Variants in FBXW7 observed in about 807,000 individuals in gnomAD.
FBXW7 encodes the protein F-box/WD repeat-containing protein 7.
A neutral mutation model predicts 86.3 loss-of-function variants in FBXW7; 11 were observed. The observed-to-expected ratio is 0.13, with a 90% confidence interval of 0.08 to 0.21. The LOEUF is 0.21. FBXW7 is among the 10% of genes least tolerant of loss of function. The pLI is 1.00. For missense variants in FBXW7, 488 were observed against 847.4 expected, an observed-to-expected ratio of 0.58 and a Z score of 5.27; for synonymous variants, 313 against 297.9, an observed-to-expected ratio of 1.05 and a Z score of -0.52.
intron 4 of FBXW7, among the ~76,000 whole-genome samples, chr4:152,390,866 C>T (rs1735939466): frequency 6.6e-6 from 1 of 151,754 alleles, no homozygotes; most frequent in South Asian, 2.1e-4. Context: ...TTTTTTGCTA[C>T]ACAGCTTTAA....
rs1167216290 is a variant in FBXW7 at position 152,471,512 on chromosome 4, GGGGA to G, written c.-119-58987_-119-58984del. ...AAGGGGGAGGGAAGGGGAAGGGAAT[GGGGA>G]GGGAGGGAGGGAGGGAAGGATGGAA... is the stretch of plus-strand genomic sequence containing the variant. On this transcript the variant is annotated intron_variant, in intron 2 of 13. Transcript: ENST00000281708. Among the ~76,000 whole-genome samples, 16 of 118,660 alleles carry G rather than the reference GGGGA, an allele frequency of 1.3e-4. 1 individual carries two copies. Among genetic ancestry groups the G allele is most frequent in the African/African-American group, 2.9e-4 (9 of 30,720 alleles). 77.8% of individuals were successfully genotyped at this position (118,660 alleles called of 152,430 possible).
At chr4:152,481,677 T>C (rs888058480) in intron 2 of FBXW7, among the ~76,000 whole-genome samples, 1 of 152,152 alleles carries the variant, frequency 6.6e-6, no homozygotes, top group East Asian at 1.9e-4. Flanking sequence ...CTGGAAGAAG[T>C]TGATCCCAAC....
At chr4:152,415,788 G>A (rs992638567) in intron 2 of FBXW7, among the ~76,000 whole-genome samples, 1 of 151,982 alleles carries the variant, frequency 6.6e-6, no homozygotes, top group Non-Finnish European at 1.5e-5. Flanking sequence ...TCTTTCTTGA[G>A]GGGTAAAGTG....
At chr4:152,363,698 A>T (rs1432872131) in intron 4 of FBXW7, among the ~76,000 whole-genome samples, 1 of 152,224 alleles carries the variant, frequency 6.6e-6, no homozygotes, top group African/African-American at 2.4e-5. Context: ...CAGGGAAGGA[A>T]ACTCACTATA....
At chr4:152,443,749 T>C (rs1470233565) in intron 2 of FBXW7, among the ~76,000 whole-genome samples, 1 of 152,236 alleles carries the variant, frequency 6.6e-6, no homozygotes, top group Non-Finnish European at 1.5e-5. Context: ...ATACAAGAGT[T>C]AAGAATATTA....
At chr4:152,329,524 G>A (rs1178061770) in intron 10 of FBXW7, 148 bp downstream of exon 10, 2 of 429,868 alleles carry the variant, frequency 4.7e-6, no homozygotes, top group Non-Finnish European at 8.3e-6. Flanking sequence ...CATAAATATG[G>A]GGAAAAAAGC....
chr4:152,326,428 T>TCCC (rs1729027455), intron 11 of FBXW7, among the ~76,000 whole-genome samples, 197 bp from the exon 12 acceptor site: 1 of 151,638 alleles, frequency 6.6e-6, no homozygotes, highest in Non-Finnish European at 1.5e-5. Flanking sequence ...AATGGGAAGT[T>TCCC]GGGAAGCCTA....
chr4:152,326,863 T>A (rs1285564996), intron 11 of FBXW7, among the ~76,000 whole-genome samples: 2 of 152,128 alleles, frequency 1.3e-5, no homozygotes, highest in Non-Finnish European at 2.9e-5. Context: ...AAACACAGGC[T>A]GCTTATGCTT....
intron 2 of FBXW7, among the ~76,000 whole-genome samples, chr4:152,517,763 G>A (rs569198836): frequency 7.0e-4 from 107 of 152,238 alleles, no homozygotes; most frequent in South Asian, 1.7e-3. Context: ...TACCGATATC[G>A]ATATTATTTG....
chr4:152,530,843 C>CT (rs1396725356), intron 2 of FBXW7: 1 of 152,240 alleles, frequency 6.6e-6, no homozygotes, highest in Non-Finnish European at 1.5e-5. Context: ...TCTACAGCTG[C>CT]TTTCACACTA....
chr4:152,477,624 C>A (rs1744532860), intron 2 of FBXW7, among the ~76,000 whole-genome samples: 2 of 152,074 alleles, frequency 1.3e-5, no homozygotes, highest in Non-Finnish European at 2.9e-5. Flanking sequence ...CAGTATTTCC[C>A]AGTTTTGCTT....
At position 152,330,887 on chromosome 4, in the gene FBXW7, A is replaced by C; in HGVS notation, c.986-19T>G. 5 of 1,607,618 alleles carry C rather than the reference A, an allele frequency of 3.1e-6. No homozygotes were observed. Among genetic ancestry groups the C allele is most frequent in the Non-Finnish European group, 4.2e-6 (5 of 1,176,794 alleles). ...TCAATCCCTAAAGTGTTACAGTTCA[A>C]GAGTAAATTGCCTTCACCAATAATA... On this transcript the variant is annotated intron_variant, in intron 8 of 13. Coordinates refer to ENST00000281708, the MANE Select transcript of FBXW7 (RefSeq NM_001349798.2).
At chr4:152,345,221 G>A (rs1253017426) in intron 6 of FBXW7, among the ~76,000 whole-genome samples, 1 of 151,906 alleles carries the variant, frequency 6.6e-6, no homozygotes, top group Non-Finnish European at 1.5e-5. Flanking sequence ...TAAAAATTTA[G>A]AATTCTGAGG....
intron 4 of FBXW7, among the ~76,000 whole-genome samples, chr4:152,377,071 G>GC (rs1352813157): frequency 6.6e-6 from 1 of 152,038 alleles, no homozygotes; most frequent in Non-Finnish European, 1.5e-5. Context: ...ACAGCAATAG[G>GC]CCCCCAGACT....
intron 6 of FBXW7, among the ~76,000 whole-genome samples, chr4:152,344,672 A>T (rs554164682): frequency 1.4e-4 from 22 of 152,284 alleles, no homozygotes; most frequent in Admixed American, 1.0e-3. Context: ...AAACAAGCAA[A>T]CGGTGTACAA....
At chr4:152,515,753 CTT>C (rs79255425) in intron 2 of FBXW7, among the ~76,000 whole-genome samples, 16 of 129,670 alleles carry the variant, frequency 1.2e-4, no homozygotes, top group Admixed American at 1.5e-4. Context: ...CCACAACTCT[CTT>C]TTTTTTTTTT....
intron 6 of FBXW7, among the ~76,000 whole-genome samples, chr4:152,345,581 A>T (rs994771222): frequency 4.6e-5 from 7 of 152,056 alleles, no homozygotes; most frequent in Non-Finnish European, 7.4e-5. Context: ...AAAATGAAAA[A>T]TGTCTTGAGA....
intron 7 of FBXW7, among the ~76,000 whole-genome samples, chr4:152,336,375 T>C: frequency 6.6e-6 from 1 of 152,058 alleles, no homozygotes; most frequent in East Asian, 1.9e-4. Flanking sequence ...TGTTAAGAAG[T>C]TATGGAAATT....
At chr4:152,482,159 A>G (rs1744936413) in intron 2 of FBXW7, among the ~76,000 whole-genome samples, 2 of 152,228 alleles carry the variant, frequency 1.3e-5, no homozygotes, top group Admixed American at 6.5e-5. Flanking sequence ...GCGAGCAGTC[A>G]TCAACATCGA....
Sources: allele counts gnomAD v4.1 joint callset (sites outside exome capture counted in the v4.1 genomes callset), GRCh38; gene constraint gnomAD v4.1.1; transcripts MANE v1.5; gene names NCBI Gene and HGNC (gene_info 2026-07-23, HGNC 2026-07-21).